MAP3K7CL: variants seen among roughly 807,000 people sequenced by gnomAD.
The protein encoded by MAP3K7CL is MAP3K7 C-terminal-like protein.
A neutral mutation model predicts 18.6 loss-of-function variants in MAP3K7CL; 16 were observed. The ratio of observed to expected loss-of-function variants is 0.86; its 90% CI spans 0.58 to 1.31. MAP3K7CL has a LOEUF of 1.31. Among genes scored for constraint, MAP3K7CL ranks in the 50% most tolerant of loss-of-function variants. The pLI is 0.00. For synonymous variants in MAP3K7CL, 65 were observed against 66.8 expected, an observed-to-expected ratio of 0.97 and a Z score of 0.13; for missense variants, 163 against 174.4, an observed-to-expected ratio of 0.93 and a Z score of 0.37.
chr21:29,122,204 G>A (rs939137979), intron 4 of MAP3K7CL: 2 of 152,222 alleles, frequency 1.3e-5, no homozygotes, highest in Admixed American at 6.5e-5. Flanking sequence ...ACGGGATGGG[G>A]AACATGCAGG....
At position 29,133,203 on chromosome 21, in the gene MAP3K7CL, G is replaced by A. The variant is rs1417348019; in HGVS notation, c.-39-103G>A. The A allele has an allele frequency of 8.3e-6, 6 of 719,962 alleles. No individual in the cohort carries two copies. In the Admixed American group the frequency reaches 1.8e-4, roughly 21 times the overall value. The allele number at this position is 719,962 out of a possible 1,614,324, so 44.6% of individuals were successfully genotyped here. A position where few individuals can be genotyped will look rare whatever the true frequency, so the allele number is the denominator to read the frequency against. Reference sequence around the variant, plus strand: ...AGTATCTTTAGAATAAGCAGGTAATGCTTACTAACCTTAATAACTTCACCT... The same window carrying A: ...AGTATCTTTAGAATAAGCAGGTAATACTTACTAACCTTAATAACTTCACCT... On this transcript the variant is annotated intron_variant, in intron 1 of 4. Transcript: ENST00000399928.
chr21:29,111,683 A>C (rs927641468), intron 4 of MAP3K7CL, among the ~76,000 whole-genome samples: 3 of 152,168 alleles, frequency 2.0e-5, no homozygotes, highest in Admixed American at 1.3e-4. Context: ...AATGAAGCCT[A>C]ACTCTGGGGT....
upstream of MAP3K7CL, among the ~76,000 whole-genome samples, chr21:29,127,024 A>G (rs2086693027): frequency 1.3e-5 from 2 of 152,232 alleles, no homozygotes; most frequent in South Asian, 4.1e-4. Context: ...CTGAGTCACT[A>G]TGGCAAAGCC....
At chr21:29,164,924 G>A (rs1454086357) in intron 4 of MAP3K7CL, among the ~76,000 whole-genome samples, 2 of 152,018 alleles carry the variant, frequency 1.3e-5, no homozygotes, top group Non-Finnish European at 2.9e-5. Context: ...CAGTAACGTG[G>A]AATGTATAAC....
intron 4 of MAP3K7CL, among the ~76,000 whole-genome samples, chr21:29,163,448 G>A (rs1363569965): frequency 1.3e-5 from 2 of 152,132 alleles, no homozygotes. Flanking sequence ...TGAGATCTTG[G>A]TTGATGCAAT....
At chr21:29,141,192 A>C (rs1346846769) in intron 2 of MAP3K7CL, among the ~76,000 whole-genome samples, 2 of 152,194 alleles carry the variant, frequency 1.3e-5, no homozygotes, top group East Asian at 3.8e-4. Context: ...TAGCTACAAT[A>C]ATAGTGAATA....
intron 3 of MAP3K7CL, chr21:29,092,336 A>T: frequency 1.5e-6 from 2 of 1,374,766 alleles, no homozygotes; most frequent in Non-Finnish European, 2.0e-6. Flanking sequence ...AGGAGGCAAG[A>T]GGTTTCAATT....
At chr21:29,119,903 A>T (rs2146585536) in intron 4 of MAP3K7CL, among the ~76,000 whole-genome samples, 1 of 152,170 alleles carries the variant, frequency 6.6e-6, no homozygotes, top group East Asian at 1.9e-4. Flanking sequence ...GACCTTAGGT[A>T]ATCCATCCAC....
chr21:29,123,472 A>G (rs997172001), intron 4 of MAP3K7CL, among the ~76,000 whole-genome samples: 1 of 152,218 alleles, frequency 6.6e-6, no homozygotes, highest in African/African-American at 2.4e-5. Context: ...TTTACAGTGG[A>G]CAGAGAGAAC....
chr21:29,157,933 T>C (rs1033811687), intron 3 of MAP3K7CL, among the ~76,000 whole-genome samples: 3 of 152,214 alleles, frequency 2.0e-5, no homozygotes, highest in Non-Finnish European at 1.5e-5. Flanking sequence ...GTGAATCCTT[T>C]ATGTAGAGTT....
At chr21:29,164,478 C>G (rs755432869) in intron 4 of MAP3K7CL, among the ~76,000 whole-genome samples, 4 of 152,182 alleles carry the variant, frequency 2.6e-5, no homozygotes, top group Non-Finnish European at 4.4e-5. Flanking sequence ...TTATTGGAGT[C>G]GTTCAGACAC....
chr21:29,092,681 C>T (rs1311407115), intron 4 of MAP3K7CL: 1 of 1,388,052 alleles, frequency 7.2e-7, no homozygotes, highest in Admixed American at 1.8e-5. Flanking sequence ...CCTCATTCTG[C>T]AGGGATCTGG....
At chr21:29,163,937 A>G (rs1248344559) in intron 4 of MAP3K7CL, among the ~76,000 whole-genome samples, 2 of 151,812 alleles carry the variant, frequency 1.3e-5, no homozygotes, top group Admixed American at 6.6e-5. Flanking sequence ...ACCTACAGCA[A>G]TCCTTCCACG....
chr21:29,159,856 G>A (rs544215144), intron 3 of MAP3K7CL, 85 bp from the exon 4 acceptor site: 30 of 1,015,382 alleles, frequency 3.0e-5, no homozygotes, highest in East Asian at 1.2e-4. Context: ...AAAAACCTTC[G>A]TTTAAAGAAC....
At position 29,174,935 on chromosome 21, in the gene MAP3K7CL, C is replaced by G. The variant is rs751664737; in HGVS notation, c.*43C>G. On this transcript the variant is annotated 3_prime_UTR_variant, in exon 5 of 5. Transcript: ENST00000399928. ...TGAGCATACGAGGCTGATGACTGCC[C>G]TGTGCTGGCCAAAAGATTTTTATTT... 3.2e-6 allele frequency: 5 copies of G among 1,559,260 alleles called. No homozygotes were observed. The highest frequency in any genetic ancestry group is 4.4e-6 in the Non-Finnish European group (5 of 1,148,418).
At chr21:29,171,966 GTATA>G (rs1460616919) in intron 4 of MAP3K7CL, among the ~76,000 whole-genome samples, 1 of 150,594 alleles carries the variant, frequency 6.6e-6, no homozygotes, top group African/African-American at 2.4e-5. Flanking sequence ...ATATGTGTAT[GTATA>G]TATGTGTGTA....
At chr21:29,112,498 T>G (rs572191969) in intron 4 of MAP3K7CL, among the ~76,000 whole-genome samples, 3 of 152,166 alleles carry the variant, frequency 2.0e-5, no homozygotes, top group Non-Finnish European at 4.4e-5. Context: ...TAATGATTGA[T>G]GTATTAGATT....
intron 4 of MAP3K7CL, among the ~76,000 whole-genome samples, chr21:29,097,515 CT>C (rs1377472137): frequency 6.6e-6 from 1 of 151,890 alleles, no homozygotes; most frequent in African/African-American, 2.4e-5. Context: ...CTTGATATAC[CT>C]TTTAAATATT....
At chr21:29,135,224 C>A (rs1237370073) in intron 2 of MAP3K7CL, among the ~76,000 whole-genome samples, 1 of 152,124 alleles carries the variant, frequency 6.6e-6, no homozygotes, top group Non-Finnish European at 1.5e-5. Flanking sequence ...TTCGATGCTG[C>A]TTCTCTAAAA....
Sources: allele counts gnomAD v4.1 joint callset (sites outside exome capture counted in the v4.1 genomes callset), GRCh38; gene constraint gnomAD v4.1.1; transcripts MANE v1.5; gene names NCBI Gene and HGNC (gene_info 2026-07-23, HGNC 2026-07-21).